The following MACROD2 variants were observed in gnomAD, a reference collection of about 807,000 sequenced individuals.
The protein encoded by MACROD2 is mono-ADP ribosylhydrolase 2.
MACROD2 carries 36 observed loss-of-function variants against 70.4 expected under a neutral mutation model. The ratio of observed to expected loss-of-function variants is 0.51; its 90% CI spans 0.39 to 0.68. MACROD2 has a LOEUF of 0.68. Among genes scored for constraint, MACROD2 ranks in the 30% least tolerant of loss-of-function variants. The pLI is 0.00. For synonymous variants in MACROD2, 172 were observed against 178.8 expected (o/e 0.96, Z 0.30); for missense variants, 496 against 538.4 (o/e 0.92, Z 0.78).
Position 15,454,684 on chromosome 20 carries a change from T to C in MACROD2, c.571+23249T>C, listed in dbSNP as rs1370340135. On this transcript the variant is annotated intron_variant, in intron 7 of 17. Transcript: ENST00000684519. ...CACGCTGGCTCTCTTCATAAATCTG[T>C]AAAATAAAAATGAGCTTTCTCCTTT... Among the ~76,000 whole-genome samples, 35 of 58,762 alleles carry C rather than the reference T, an allele frequency of 6.0e-4. 8 individuals are homozygous for C. The highest frequency in any genetic ancestry group is 2.3e-3 in the East Asian group (1 of 428). The allele number at this position is 58,762 out of a possible 152,430, so 38.6% of individuals were successfully genotyped here.
intron 3 of MACROD2, among the ~76,000 whole-genome samples, chr20:14,197,740 CTGGG>C (rs950281994): frequency 6.6e-6 from 1 of 151,420 alleles, no homozygotes; most frequent in Non-Finnish European, 1.5e-5. Context: ...GCATTCCAGC[CTGGG>C]TGACAGAGCC....
chr20:16,006,138 T>G (rs2066785023), intron 15 of MACROD2, among the ~76,000 whole-genome samples: 1 of 152,166 alleles, frequency 6.6e-6, no homozygotes, highest in Non-Finnish European at 1.5e-5. Flanking sequence ...CGCCCATCCC[T>G]CCTTCTTTAG....
intron 5 of MACROD2, among the ~76,000 whole-genome samples, chr20:15,218,853 G>A (rs548420689): frequency 8.2e-6 from 1 of 122,094 alleles, no homozygotes; most frequent in Non-Finnish European, 1.7e-5. Flanking sequence ...ACACCATCCT[G>A]GCTAACATGG....
intron 8 of MACROD2, among the ~76,000 whole-genome samples, chr20:15,518,611 A>G (rs534043592): frequency 1.3e-5 from 2 of 152,306 alleles, no homozygotes; most frequent in African/African-American, 4.8e-5. Flanking sequence ...AAAGAAGGGG[A>G]AGAAGAGATT....
intron 3 of MACROD2, among the ~76,000 whole-genome samples, chr20:14,276,570 T>A (rs1011315153): frequency 6.0e-5 from 9 of 150,622 alleles, no homozygotes; most frequent in East Asian, 2.0e-4. Context: ...TGGCACATGT[T>A]TACATATGTA....
chr20:14,177,301 C>CTTT (rs71190114), intron 3 of MACROD2, among the ~76,000 whole-genome samples: 2,057 of 125,366 alleles, frequency 0.016, 45 homozygotes, highest in Non-Finnish European at 0.024. Flanking sequence ...GAGATATCTT[C>CTTT]TTTTTTTTTT....
intron 3 of MACROD2, among the ~76,000 whole-genome samples, chr20:14,255,168 A>T (rs2082043580): frequency 6.6e-6 from 1 of 152,112 alleles, no homozygotes. Flanking sequence ...GCTGCCCTTA[A>T]CAATATTAAC....
At chr20:15,822,480 AAAT>A (rs2063949738) in intron 8 of MACROD2, among the ~76,000 whole-genome samples, 1 of 152,190 alleles carries the variant, frequency 6.6e-6, no homozygotes, top group Non-Finnish European at 1.5e-5. Flanking sequence ...TATTAACAAG[AAAT>A]AGTAATGTAC....
At chr20:15,137,703 G>A (rs1187351223) in intron 5 of MACROD2, among the ~76,000 whole-genome samples, 2 of 151,710 alleles carry the variant, frequency 1.3e-5, no homozygotes, top group Non-Finnish European at 2.9e-5. Flanking sequence ...AAAACTTAAA[G>A]TATAATAATA....
chr20:15,388,070 C>T (rs780100763), intron 6 of MACROD2, among the ~76,000 whole-genome samples: 8 of 152,010 alleles, frequency 5.3e-5, no homozygotes, highest in Non-Finnish European at 1.2e-4. Context: ...CTCCCCCAAC[C>T]TAGGGTGATC....
intron 8 of MACROD2, among the ~76,000 whole-genome samples, chr20:15,660,420 C>T (rs147139510): frequency 1.3e-5 from 2 of 151,898 alleles, no homozygotes; most frequent in African/African-American, 4.8e-5. Context: ...TTCACTGAAG[C>T]TCACTGACAC....
At chr20:15,916,158 C>G (rs1436765232) in intron 10 of MACROD2, among the ~76,000 whole-genome samples, 2 of 152,004 alleles carry the variant, frequency 1.3e-5, no homozygotes, top group Non-Finnish European at 1.5e-5. Flanking sequence ...CCTCATATAC[C>G]CCCTACCCCA....
chr20:14,313,529 C>T (rs771353236), intron 3 of MACROD2, among the ~76,000 whole-genome samples: 11 of 150,604 alleles, frequency 7.3e-5, no homozygotes, highest in Non-Finnish European at 1.0e-4. Context: ...TAAGGAAAAG[C>T]GAAGAATTGG....
At chr20:14,233,520 G>A (rs113986341) in intron 3 of MACROD2, among the ~76,000 whole-genome samples, 3,197 of 111,422 alleles carry the variant, frequency 0.029, 125 homozygotes, top group African/African-American at 0.085. Context: ...GTGAAACCCC[G>A]TCTCTACTAA....
At chr20:15,592,049 G>A (rs2048687594) in intron 8 of MACROD2, among the ~76,000 whole-genome samples, 1 of 152,160 alleles carries the variant, frequency 6.6e-6, no homozygotes, top group Non-Finnish European at 1.5e-5. Context: ...TCGGTCAAGT[G>A]TAAGACCTCT....
intron 5 of MACROD2, among the ~76,000 whole-genome samples, chr20:14,793,112 T>C (rs900089765): frequency 1.3e-5 from 2 of 152,034 alleles, no homozygotes; most frequent in Non-Finnish European, 2.9e-5. Flanking sequence ...ACTAAAGACA[T>C]GGGTTACAAT....
chr20:14,037,605 C>T (rs565238697), intron 2 of MACROD2, among the ~76,000 whole-genome samples: 74 of 152,026 alleles, frequency 4.9e-4, no homozygotes, highest in African/African-American at 1.6e-3. Flanking sequence ...TCAGTGATGT[C>T]GCTAATCTAT....
intron 5 of MACROD2, among the ~76,000 whole-genome samples, chr20:14,705,221 T>C (rs1471577260): frequency 1.3e-5 from 2 of 152,178 alleles, no homozygotes; most frequent in Admixed American, 6.5e-5. Context: ...TGTTACTTTG[T>C]ATCCTTTGAG....
intron 10 of MACROD2, among the ~76,000 whole-genome samples, chr20:15,899,004 A>G (rs959567357): frequency 1.3e-4 from 20 of 151,680 alleles, no homozygotes; most frequent in African/African-American, 4.8e-4. Flanking sequence ...GTGTGTAGGT[A>G]TGTGCTATCT....
Sources: allele counts gnomAD v4.1 joint callset (sites outside exome capture counted in the v4.1 genomes callset), GRCh38; gene constraint gnomAD v4.1.1; transcripts MANE v1.5; gene names NCBI Gene and HGNC (gene_info 2026-07-23, HGNC 2026-07-21).